The following AKAP6 variants were observed in gnomAD, a reference collection of about 807,000 sequenced individuals.
AKAP6 encodes the protein A-kinase anchor protein 6.
AKAP6 carries 58 observed loss-of-function variants against 188.5 expected under a neutral mutation model. The ratio of observed to expected loss-of-function variants is 0.31; its 90% CI spans 0.25 to 0.38. The LOEUF is 0.38. Ranked by LOEUF, AKAP6 falls within the 10% of genes least tolerant of loss-of-function variation. AKAP6 has a pLI of 1.00. For missense variants in AKAP6, 2,710 were observed against 2,740.0 expected, an observed-to-expected ratio of 0.99 and a Z score of 0.24; for synonymous variants, 989 against 998.6, an observed-to-expected ratio of 0.99 and a Z score of 0.18.
chr14:32,687,889 C>CA (rs1286776627), intron 8 of AKAP6, among the ~76,000 whole-genome samples: 4 of 151,882 alleles, frequency 2.6e-5, no homozygotes, highest in Admixed American at 6.6e-5. Flanking sequence ...CTAAAACAAA[C>CA]AAAAAAATCT....
intron 7 of AKAP6, among the ~76,000 whole-genome samples, chr14:32,620,442 A>G (rs1167016888): frequency 1.3e-5 from 2 of 151,694 alleles, no homozygotes; most frequent in African/African-American, 4.8e-5. Context: ...TTTGTTTTTA[A>G]TTCTGTTTAT....
At chr14:32,395,978 T>C (rs1443780553) in intron 1 of AKAP6, among the ~76,000 whole-genome samples, 1 of 152,170 alleles carries the variant, frequency 6.6e-6, no homozygotes, top group Non-Finnish European at 1.5e-5. Context: ...TAATGTCTGG[T>C]AATCTATGGA....
chr14:32,816,046 C>A (rs2140129069), intron 12 of AKAP6, among the ~76,000 whole-genome samples: 1 of 152,260 alleles, frequency 6.6e-6, no homozygotes. Flanking sequence ...ATCCTAATTT[C>A]TATTTTATTC....
chr14:32,696,137 C>G, intron 9 of AKAP6, 27 bp downstream of exon 9: 5 of 1,578,154 alleles, frequency 3.2e-6, no homozygotes, highest in Non-Finnish European at 4.3e-6. Context: ...CTGCCTTTAC[C>G]TTGCTGTGGA....
chr14:32,648,517 T>C (rs1888075876), intron 7 of AKAP6, among the ~76,000 whole-genome samples: 1 of 152,188 alleles, frequency 6.6e-6, no homozygotes, highest in Non-Finnish European at 1.5e-5. Context: ...TCAGCTCTGA[T>C]GTTTAGTGAA....
chr14:32,735,883 G>T lies in AKAP6; in HGVS notation c.3372+1G>T. 6.4e-7 allele frequency: 1 copy of T among 1,572,946 alleles called. No individual in the cohort carries two copies. The highest frequency in any genetic ancestry group is 8.6e-7 in the Non-Finnish European group (1 of 1,162,702). On this transcript the variant is annotated splice_donor_variant, in intron 11 of 13. Transcript: ENST00000280979. LOFTEE classifies it high-confidence loss of function. ...TGAGAAACAACTGCAATACTTTAAG[G>T]TAATAAAAAAACAATCAAAGTTGAT...
rs772533351 is a variant in AKAP6 at position 32,824,016 on chromosome 14, C to T, written c.6203C>T (p.Ser2068Leu). 1.4e-5 allele frequency: 22 copies of T among 1,613,772 alleles called. No homozygotes were observed. The highest frequency in any genetic ancestry group is 2.2e-5 in the East Asian group (1 of 44,884). The change falls in exon 13 of 14, where the codon TCG becomes TTG. Residue 2068 changes from serine to leucine, a missense_variant. This residue lies in a region of AKAP6 where 2,473 missense variants were observed against 2,426.1 expected (regional missense o/e 1.02). Coordinates refer to ENST00000280979, the MANE Select transcript of AKAP6 (RefSeq NM_004274.5). ...NFVKEIIDMA[S>L]TALKSKSQPE... ...GTTAAGGAAATCATTGACATGGCTT[C>T]GACAGCCCTAAAAAGTAAATCTCAA...
At chr14:32,818,094 G>A (rs1368516620) in intron 12 of AKAP6, among the ~76,000 whole-genome samples, 2 of 152,174 alleles carry the variant, frequency 1.3e-5, no homozygotes, top group Non-Finnish European at 2.9e-5. Context: ...CGAGGGCAGA[G>A]TGAGTAGCAC....
intron 1 of AKAP6, among the ~76,000 whole-genome samples, chr14:32,411,624 A>T (rs1366194902): frequency 1.3e-5 from 2 of 152,052 alleles, no homozygotes; most frequent in Non-Finnish European, 2.9e-5. Context: ...GGGGAACAAG[A>T]TGTCATCAGT....
intron 7 of AKAP6, among the ~76,000 whole-genome samples, chr14:32,616,369 T>G (rs967641110): frequency 1.3e-5 from 2 of 152,186 alleles, no homozygotes; most frequent in Non-Finnish European, 2.9e-5. Context: ...CCATCAATTG[T>G]AGACTGGATA....
chr14:32,398,814 CT>C (rs1888970496), intron 1 of AKAP6, among the ~76,000 whole-genome samples: 1 of 145,632 alleles, frequency 6.9e-6, no homozygotes, highest in Non-Finnish European at 1.5e-5. Context: ...CCCCCTCCCC[CT>C]CTCTCCCTCT....
chr14:32,496,058 G>T (rs1880298458), intron 2 of AKAP6, among the ~76,000 whole-genome samples: 1 of 152,166 alleles, frequency 6.6e-6, no homozygotes, highest in African/African-American at 2.4e-5. Flanking sequence ...ATAAGTATGT[G>T]AATGCTGTAA....
chr14:32,356,681 T>C (rs183132506), intron 1 of AKAP6, among the ~76,000 whole-genome samples: 3 of 152,246 alleles, frequency 2.0e-5, no homozygotes, highest in Non-Finnish European at 4.4e-5. Flanking sequence ...GGGTTCCATC[T>C]CTTGCCTCTT....
rs573142009 is a variant in AKAP6 at position 32,503,980 on chromosome 14, T to C, written c.325-31574T>C. On this transcript the variant is annotated intron_variant, in intron 2 of 13. Transcript: ENST00000280979. Reference sequence around the variant, plus strand: ...TTAATGCATTATATTGATATATTAATTATTTTATAAGTATACACATACATT... The same window carrying C: ...TTAATGCATTATATTGATATATTAACTATTTTATAAGTATACACATACATT... 2.0e-5 allele frequency among the ~76,000 whole-genome samples: 3 copies of C among 151,936 alleles called. No homozygotes were observed. The East Asian group carries it at 5.8e-4, about 29-fold the overall frequency.
chr14:32,455,826 C>T (rs989368274), intron 2 of AKAP6, among the ~76,000 whole-genome samples: 1 of 152,100 alleles, frequency 6.6e-6, no homozygotes, highest in South Asian at 2.1e-4. Context: ...TTGTAACCTG[C>T]CCCCAACCTA....
Position 32,609,389 on chromosome 14 carries a change from A to G in AKAP6, c.2730+8597A>G, listed in dbSNP as rs182391021. ...CTGCTCTTTGCTCTGTACTCAGAGA[A>G]CATTCCCAGTCTTAGCTCCCACTGT... On this transcript the variant is annotated intron_variant, in intron 7 of 13. Transcript: ENST00000280979. 5.1e-4 allele frequency among the ~76,000 whole-genome samples: 78 copies of G among 152,304 alleles called. No individual in the cohort carries two copies. In the East Asian group the frequency reaches 0.013, roughly 25 times the overall value.
chr14:32,360,144 TC>T (rs1351780709), intron 1 of AKAP6, among the ~76,000 whole-genome samples: 3 of 148,564 alleles, frequency 2.0e-5, no homozygotes, highest in Admixed American at 6.7e-5. Flanking sequence ...TTTTTTTTTT[TC>T]GAGACAGGGG....
In AKAP6 at chr14:32,540,131, GCTCTCTCTCTCTCT is replaced by G. The variant is rs1216788649; in HGVS notation, c.576+4351_576+4364del. Among the ~76,000 whole-genome samples the G allele has an allele frequency of 1.4e-3, 94 of 66,478 alleles. 3 individuals carry two copies. Among genetic ancestry groups the G allele is most frequent in the East Asian group, 0.012 (31 of 2,662 alleles). The allele number at this position is 66,478 out of a possible 152,430, so 43.6% of individuals were successfully genotyped here. On this transcript the variant is annotated intron_variant, in intron 3 of 13. Coordinates refer to ENST00000280979, the MANE Select transcript of AKAP6 (RefSeq NM_004274.5). ...AAGGAGGGGTGTTCTTTGCTCGTGC[GCTCTCTCTCTCTCT>G]CTCTCTCTCTCTCTCTCTCTCTCTA...
intron 2 of AKAP6, among the ~76,000 whole-genome samples, chr14:32,445,660 A>G (rs577625540): frequency 3.5e-4 from 54 of 152,272 alleles, no homozygotes; most frequent in East Asian, 7.7e-4. Flanking sequence ...TACAGGCGTG[A>G]GCCACTGTGC....
Sources: gnomAD v4.1 joint callset for allele counts (sites outside exome capture counted in the v4.1 genomes callset) on GRCh38, gnomAD v4.1.1 for gene constraint, gnomAD v4.1.1 regional missense constraint, MANE v1.5 for transcripts, NCBI Gene and HGNC (gene_info 2026-07-23, HGNC 2026-07-21) for gene names.